The following DKK3 variants were observed in gnomAD, a reference collection of about 807,000 sequenced individuals.
DKK3 encodes the protein dickkopf-related protein 3.
Under a neutral mutation model 33.2 loss-of-function variants are expected in DKK3, and 22 were observed. The ratio of observed to expected loss-of-function variants is 0.66; its 90% CI spans 0.47 to 0.95. DKK3 has a LOEUF of 0.95. Ranked by LOEUF, DKK3 falls within the 40% of genes least tolerant of loss-of-function variation. The pLI, the probability that DKK3 is intolerant of heterozygous loss-of-function variation, is 0.00. For synonymous variants in DKK3, 194 were observed against 188.8 expected (o/e 1.03, Z -0.23); for missense variants, 398 against 458.4 (o/e 0.87, Z 1.20).
intron 1 of DKK3, among the ~76,000 whole-genome samples, chr11:12,005,721 C>T (rs1848524028): frequency 6.6e-6 from 1 of 152,156 alleles, no homozygotes; most frequent in Non-Finnish European, 1.5e-5. Context: ...AATAATGCAT[C>T]TGGCCCAGGT....
chr11:11,969,439 A>G (rs1482146205), intron 3 of DKK3, among the ~76,000 whole-genome samples: 1 of 152,116 alleles, frequency 6.6e-6, no homozygotes, highest in East Asian at 1.9e-4. Flanking sequence ...TGCCTTCTCT[A>G]TATTGCCAGC....
At chr11:12,006,494 A>G (rs984596450) in intron 1 of DKK3, among the ~76,000 whole-genome samples, 6 of 152,150 alleles carry the variant, frequency 3.9e-5, no homozygotes, top group Non-Finnish European at 7.4e-5. Flanking sequence ...ATGGTGTTCA[A>G]CCTCTCTCAT....
intron 4 of DKK3, 95 bp from the exon 5 acceptor site, chr11:11,967,193 C>T: frequency 7.0e-7 from 1 of 1,436,270 alleles, no homozygotes; most frequent in Non-Finnish European, 9.5e-7. Flanking sequence ...GGCCAACCTG[C>T]ATCCTCCCAT....
chr11:12,001,089 G>A (rs1290601460), intron 2 of DKK3, among the ~76,000 whole-genome samples: 1 of 152,134 alleles, frequency 6.6e-6, no homozygotes, highest in African/African-American at 2.4e-5. Context: ...CTCACACTCA[G>A]GTATTCTGAC....
intron 4 of DKK3, among the ~76,000 whole-genome samples, chr11:11,967,384 C>A (rs1847623300): frequency 6.6e-6 from 1 of 152,190 alleles, no homozygotes; most frequent in Non-Finnish European, 1.5e-5. Flanking sequence ...CTTTGTGGTC[C>A]CCACAGACTT....
At chr11:11,984,655 TAAAAA>T (rs11297335) in intron 3 of DKK3, among the ~76,000 whole-genome samples, 1 of 139,098 alleles carries the variant, frequency 7.2e-6, no homozygotes, top group African/African-American at 2.6e-5. Context: ...CAATTTCCTT[TAAAAA>T]AAAAAAAAAA....
chr11:11,977,248 A>T (rs893560207), intron 3 of DKK3, among the ~76,000 whole-genome samples: 2 of 151,926 alleles, frequency 1.3e-5, no homozygotes, highest in Non-Finnish European at 2.9e-5. Flanking sequence ...TTAATCAGGA[A>T]AGAGTCCTGG....
upstream of DKK3, chr11:12,008,627 G>A (rs1406039492): frequency 1.7e-5 from 23 of 1,334,166 alleles, no homozygotes; most frequent in South Asian, 2.0e-5. The surrounding 1 kb of genome is among the most constrained non-coding windows in gnomAD (Gnocchi z 4.6). Flanking sequence ...CCCGGAACGC[G>A]ATCAGAGGCG....
intron 3 of DKK3, among the ~76,000 whole-genome samples, chr11:11,978,102 T>C (rs1337339776): frequency 6.6e-6 from 1 of 152,222 alleles, no homozygotes. Flanking sequence ...TTGTATTTTA[T>C]GTGCCAATCC....
At chr11:12,002,541 A>G in intron 1 of DKK3, 104 bp from the exon 2 acceptor site, 3 of 1,139,410 alleles carry the variant, frequency 2.6e-6, no homozygotes, top group Non-Finnish European at 3.7e-6. Context: ...ATTACAAAGA[A>G]TGATGATGAT....
At chr11:11,980,187 G>A (rs1053591267) in intron 3 of DKK3, among the ~76,000 whole-genome samples, 3 of 152,216 alleles carry the variant, frequency 2.0e-5, no homozygotes, top group Non-Finnish European at 4.4e-5. Context: ...ACACCACATA[G>A]GGAGCATCCC....
intron 1 of DKK3, among the ~76,000 whole-genome samples, chr11:12,006,786 G>A (rs1293120562): frequency 1.3e-5 from 2 of 152,188 alleles, no homozygotes; most frequent in Non-Finnish European, 2.9e-5. Context: ...AGAGGACCAC[G>A]CTGCAGACTT....
intron 3 of DKK3, among the ~76,000 whole-genome samples, chr11:11,974,861 A>C (rs1177039687): frequency 6.6e-6 from 1 of 152,024 alleles, no homozygotes; most frequent in Non-Finnish European, 1.5e-5. Context: ...CCAAGATCGC[A>C]CCACTGCACT....
chr11:11,997,966 C>A (rs1275794774), intron 3 of DKK3, among the ~76,000 whole-genome samples: 1 of 152,292 alleles, frequency 6.6e-6, no homozygotes, highest in African/African-American at 2.4e-5. Flanking sequence ...AAAAAAGGCA[C>A]ACTTTCCCTA....
intron 3 of DKK3, among the ~76,000 whole-genome samples, chr11:11,980,203 G>A (rs1209782943): frequency 1.3e-5 from 2 of 152,198 alleles, no homozygotes; most frequent in Non-Finnish European, 2.9e-5. Context: ...ATCCCGGATG[G>A]GGGTCCCCAC....
At chr11:12,002,229 A>C in intron 2 of DKK3, 71 bp downstream of exon 2, 1 of 1,497,392 alleles carries the variant, frequency 6.7e-7, no homozygotes, top group Non-Finnish European at 9.0e-7. Flanking sequence ...GAAAAAACAA[A>C]AACAAAAAAA....
intron 3 of DKK3, among the ~76,000 whole-genome samples, chr11:11,983,336 A>C (rs1311155960): frequency 6.6e-6 from 1 of 152,202 alleles, no homozygotes; most frequent in Non-Finnish European, 1.5e-5. Flanking sequence ...TGCTTCTGAG[A>C]CACAGTCCCT....
At position 11,998,758 on chromosome 11, in the gene DKK3, G is replaced by C. The variant is rs1481903011; in HGVS notation, c.373C>G (p.Gln125Glu). 4 of 1,614,036 alleles carry C rather than the reference G, an allele frequency of 2.5e-6. No homozygotes were observed. The highest frequency in any genetic ancestry group is 1.3e-5 in the African/African-American group (1 of 74,906). Residue 125 changes from glutamine to glutamate, a missense_variant, in exon 3 of 7, where the codon CAA (glutamine) becomes GAA (glutamate). Gln to Glu is a conservative substitution (Grantham distance 29). Transcript: ENST00000683431. ...IHKITNNQTGQMVFSETVITS... is the reference protein window; with the variant it reads ...IHKITNNQTGEMVFSETVITS... ...ATAACTGTCTCTGAAAAGACCATTT[G>C]TCCAGTCTGGTTGTTGGTTATCTAC...
chr11:11,980,315 C>T (rs942367806), intron 3 of DKK3, among the ~76,000 whole-genome samples: 6 of 152,200 alleles, frequency 3.9e-5, no homozygotes, highest in African/African-American at 1.4e-4. Context: ...TGAGCAGGTC[C>T]GGTCTCTGAA....
Sources: allele counts gnomAD v4.1 joint callset (sites outside exome capture counted in the v4.1 genomes callset), GRCh38; gene constraint gnomAD v4.1.1; non-coding constraint Gnocchi (gnomAD v3.1); transcripts MANE v1.5; gene names NCBI Gene and HGNC (gene_info 2026-07-23, HGNC 2026-07-21).